Variants in KIFBP observed in about 807,000 individuals in gnomAD.
The protein encoded by KIFBP is kinesin family binding protein.
Under a neutral mutation model 58.9 loss-of-function variants are expected in KIFBP, and 46 were observed. The ratio of observed to expected loss-of-function variants is 0.78; its 90% CI spans 0.62 to 1.00. The LOEUF is 1.00. Among genes scored for constraint, KIFBP ranks in the 50% least tolerant of loss-of-function variants. KIFBP has a pLI of 0.00. For missense variants in KIFBP, 651 were observed against 752.9 expected (o/e 0.86, Z 1.58); for synonymous variants, 241 against 283.4 (o/e 0.85, Z 1.50).
chr10:69,008,758 C>A, intron 4 of KIFBP, 83 bp from the exon 5 acceptor site: 2 of 1,067,186 alleles, frequency 1.9e-6, no homozygotes, highest in South Asian at 1.3e-5. Context: ...TACCTTTTCC[C>A]ATATTAAAAG....
intron 4 of KIFBP, among the ~76,000 whole-genome samples, chr10:69,008,094 A>G (rs1468094977): frequency 6.6e-6 from 1 of 152,012 alleles, no homozygotes; most frequent in Non-Finnish European, 1.5e-5. Flanking sequence ...GCCTTTGTAT[A>G]GTAGGATGTA....
chr10:69,000,460 A>G lies in KIFBP; in HGVS notation c.463A>G (p.Ile155Val), dbSNP rs770722517. Residue 155 changes from isoleucine (I) to valine (V), a missense_variant, in exon 2 of 7, where the codon ATT (isoleucine) becomes GTT (valine). Transcript: ENST00000361983. ...LGILWSEREEIETAQAYLESS... is the reference protein window; with the variant it reads ...LGILWSEREEVETAQAYLESS... Reference sequence around the variant, plus strand: ...TATCTTGTGGTCTGAAAGAGAAGAAATTGAAACTGCACAGGCTTACCTAGA... The same window carrying G: ...TATCTTGTGGTCTGAAAGAGAAGAAGTTGAAACTGCACAGGCTTACCTAGA... 1.9e-6 allele frequency: 3 copies of G among 1,612,606 alleles called. No homozygotes were observed. Among genetic ancestry groups the G allele is most frequent in the Non-Finnish European group, 1.7e-6 (2 of 1,178,738 alleles).
chr10:69,005,308 T>C (rs565253269), intron 3 of KIFBP, among the ~76,000 whole-genome samples, 183 bp downstream of exon 3: 1 of 152,342 alleles, frequency 6.6e-6, no homozygotes, highest in African/African-American at 2.4e-5. Flanking sequence ...ATCTGTCAAA[T>C]AGATACAATA....
At chr10:68,996,093 G>A (rs575521512) in intron 1 of KIFBP, among the ~76,000 whole-genome samples, 1 of 151,866 alleles carries the variant, frequency 6.6e-6, no homozygotes, top group African/African-American at 2.4e-5. Context: ...GGGAGGCGGA[G>A]GTTGCAGTGA....
At position 69,016,213 on chromosome 10, in the gene KIFBP, G is replaced by T; in HGVS notation, c.1663G>T (p.Gly555Cys). The change falls in exon 7 of 7, where the codon GGC becomes TGC. Residue 555 changes from glycine (G) to cysteine (C), a missense_variant. Physicochemically the swap from Gly to Cys is radical, Grantham distance 159. Transcript: ENST00000361983. ...LAKFRVARLYGKIITADPKKE... is the reference protein window; with the variant it reads ...LAKFRVARLYCKIITADPKKE... ...TAAGTTTCGAGTTGCCCGTCTCTATGGCAAAATCATTACTGCAGATCCCAA... is the reference window on the plus strand; with the variant it reads ...TAAGTTTCGAGTTGCCCGTCTCTATTGCAAAATCATTACTGCAGATCCCAA... 2 of 1,611,934 alleles carry T rather than the reference G, an allele frequency of 1.2e-6. No homozygotes were observed. Among genetic ancestry groups the T allele is most frequent in the Non-Finnish European group, 1.7e-6 (2 of 1,179,078 alleles).
chr10:69,011,102 C>A, intron 6 of KIFBP, 87 bp downstream of exon 6: 1 of 863,240 alleles, frequency 1.2e-6, no homozygotes, highest in Non-Finnish European at 2.0e-6. Flanking sequence ...TCATTGGGGT[C>A]ACATTGTGTT....
At chr10:69,003,850 T>C (rs1843498725) in intron 2 of KIFBP, among the ~76,000 whole-genome samples, 1 of 152,218 alleles carries the variant, frequency 6.6e-6, no homozygotes, top group African/African-American at 2.4e-5. Context: ...TGTAGAAATA[T>C]ATACATTTTT....
At chr10:69,008,173 C>T (rs1004337199) in intron 4 of KIFBP, among the ~76,000 whole-genome samples, 2 of 151,456 alleles carry the variant, frequency 1.3e-5, no homozygotes, top group African/African-American at 4.9e-5. Context: ...TCTATAACCC[C>T]AGCACCCTGG....
At chr10:69,007,174 A>C (rs1843544727) in intron 4 of KIFBP, among the ~76,000 whole-genome samples, 1 of 152,228 alleles carries the variant, frequency 6.6e-6, no homozygotes, top group Admixed American at 6.5e-5. Context: ...AAGTGTGATT[A>C]AAATTTAAAG....
chr10:68,996,558 A>G (rs1207237034), intron 1 of KIFBP, among the ~76,000 whole-genome samples: 2 of 144,740 alleles, frequency 1.4e-5, no homozygotes, highest in Non-Finnish European at 3.0e-5. Context: ...GGAAACTCTC[A>G]AAAAAATAAA....
chr10:68,991,422 A>G, intron 1 of KIFBP: 1 of 357,944 alleles, frequency 2.8e-6, no homozygotes, highest in Admixed American at 3.0e-5. Flanking sequence ...TCTTTCCTAC[A>G]AAAAAGATTG....
In KIFBP at chr10:68,993,135, G is replaced by A. The variant is rs114778571; in HGVS notation, c.426+3877G>A. Among the ~76,000 whole-genome samples, 341 of 152,214 alleles carry A rather than the reference G, an allele frequency of 2.2e-3. 2 individuals are homozygous for A. Among genetic ancestry groups the A allele is most frequent in the African/African-American group, 7.7e-3 (320 of 41,546 alleles). On this transcript the variant is annotated intron_variant, in intron 1 of 6. Coordinates refer to ENST00000361983, the MANE Select transcript of KIFBP (RefSeq NM_015634.4). ...TTTATGTCTCTTCTTAGTTCACATC[G>A]TGTTACCCAGAACACATGCTTCACT...
intron 1 of KIFBP, among the ~76,000 whole-genome samples, chr10:68,997,595 A>G (rs747718686): frequency 6.6e-6 from 1 of 151,896 alleles, no homozygotes; most frequent in African/African-American, 2.4e-5. Context: ...TTTATAAAGT[A>G]TCTAGTCTCA....
intron 5 of KIFBP, among the ~76,000 whole-genome samples, chr10:69,010,019 T>C (rs1843574751): frequency 6.6e-6 from 1 of 152,146 alleles, no homozygotes; most frequent in Admixed American, 6.5e-5. Context: ...TATAGATTAG[T>C]TGAAGTCTAA....
intron 1 of KIFBP, among the ~76,000 whole-genome samples, chr10:68,998,158 A>G (rs1026458207): frequency 6.6e-6 from 1 of 152,316 alleles, no homozygotes; most frequent in East Asian, 1.9e-4. Context: ...GTTACATGTT[A>G]GTCAGGCTGG....
At chr10:69,013,867 A>C (rs886357948) in intron 6 of KIFBP, among the ~76,000 whole-genome samples, 2 of 152,132 alleles carry the variant, frequency 1.3e-5, no homozygotes, top group African/African-American at 4.8e-5. Flanking sequence ...CTCCTACATC[A>C]GCCTGCCAAG....
At chr10:69,004,239 A>G (rs868556993) in intron 2 of KIFBP, among the ~76,000 whole-genome samples, 1,517 of 151,150 alleles carry the variant, frequency 0.01, 31 homozygotes, top group African/African-American at 0.035. Context: ...AAAAAAAAAA[A>G]AAACTTAAAG....
Position 68,989,288 on chromosome 10 carries a change from T to A in KIFBP, c.426+30T>A, listed in dbSNP as rs1428993445. 3.7e-6 allele frequency: 6 copies of A among 1,608,534 alleles called. No homozygotes were observed. The South Asian group carries it at 6.6e-5, about 18-fold the overall frequency. On this transcript the variant is annotated intron_variant, in intron 1 of 6. Coordinates refer to ENST00000361983, the MANE Select transcript of KIFBP (RefSeq NM_015634.4). Reference sequence around the variant, plus strand: ...GAGCGAGCCCGGCCAGGCCGGCCCCTGTTGGCAAATGGCGAGGGATGGGGA... The same window carrying A: ...GAGCGAGCCCGGCCAGGCCGGCCCCAGTTGGCAAATGGCGAGGGATGGGGA...
chr10:69,008,756 C>T, intron 4 of KIFBP, 85 bp from the exon 5 acceptor site: 1 of 1,041,484 alleles, frequency 9.6e-7, no homozygotes, highest in Non-Finnish European at 1.5e-6. Context: ...TATACCTTTT[C>T]CCATATTAAA....
Sources: gnomAD v4.1 joint callset for allele counts (sites outside exome capture counted in the v4.1 genomes callset) on GRCh38, gnomAD v4.1.1 for gene constraint, MANE v1.5 for transcripts, NCBI Gene and HGNC (gene_info 2026-07-23, HGNC 2026-07-21) for gene names.